MCMBP: variants seen among roughly 807,000 people sequenced by gnomAD.
MCMBP encodes the protein mini-chromosome maintenance complex-binding protein.
In MCMBP, 31 loss-of-function variants were observed where a neutral mutation model predicts 81.3. The ratio of observed to expected loss-of-function variants is 0.38; its 90% confidence interval spans 0.29 to 0.51. The LOEUF (loss-of-function observed/expected upper bound fraction) is 0.51, where lower values mean the gene tolerates loss of function less well. MCMBP is among the 20% of genes least tolerant of loss of function. The pLI, the probability that MCMBP is intolerant of heterozygous loss-of-function variation, is 0.87. For synonymous variants in MCMBP, 267 were observed against 275.9 expected, an observed-to-expected ratio of 0.97 and a Z score of 0.32; for missense variants, 645 against 772.1, an observed-to-expected ratio of 0.84 and a Z score of 1.95.
At chr10:119,850,965 C>A (rs1228463575) in intron 6 of MCMBP, among the ~76,000 whole-genome samples, 1 of 150,688 alleles carries the variant, frequency 6.6e-6, no homozygotes, top group Non-Finnish European at 1.5e-5. Context: ...CTTCGCCTCC[C>A]GGGTTCAAGC....
chr10:119,837,814 C>A (rs971276907), intron 12 of MCMBP, among the ~76,000 whole-genome samples: 1 of 152,022 alleles, frequency 6.6e-6, no homozygotes, highest in African/African-American at 2.4e-5. Flanking sequence ...TAGATCTTTT[C>A]TACACTTCCC....
At chr10:119,859,451 T>C (rs1289314871) in intron 2 of MCMBP, among the ~76,000 whole-genome samples, 1 of 152,200 alleles carries the variant, frequency 6.6e-6, no homozygotes, top group Non-Finnish European at 1.5e-5. Context: ...AGAACACTTT[T>C]CAATGATCAA....
intron 13 of MCMBP, 39 bp from the exon 14 acceptor site, chr10:119,835,743 T>A: frequency 1.3e-6 from 2 of 1,599,742 alleles, no homozygotes; most frequent in Non-Finnish European, 1.7e-6. Context: ...TCTGAGTTCC[T>A]AAATTAATCT....
intron 5 of MCMBP, 99 bp downstream of exon 5, chr10:119,857,239 A>G: frequency 1.2e-6 from 1 of 826,042 alleles, no homozygotes; most frequent in Non-Finnish European, 1.9e-6. Context: ...AATGAAACAC[A>G]CTTTATTAAA....
At position 119,840,961 on chromosome 10, in the gene MCMBP, C is replaced by A; in HGVS notation, c.1125-1G>T. On this transcript the variant is annotated splice_acceptor_variant, in intron 10 of 15. Coordinates refer to ENST00000369077, the MANE Select transcript of MCMBP (RefSeq NM_001256378.2). LOFTEE classifies it high-confidence loss of function. ...TGGAAGGACATCTCTTCTTGTATAT[C>A]TAGAAAAGAAAGAAATCAATCAATA... is the stretch of plus-strand genomic sequence containing the variant. 6.5e-7 allele frequency: 1 copy of A among 1,549,290 alleles called. No homozygotes were observed. Among genetic ancestry groups the A allele is most frequent in the Non-Finnish European group, 8.9e-7 (1 of 1,127,706 alleles).
intron 1 of MCMBP, among the ~76,000 whole-genome samples, chr10:119,864,479 A>C (rs1480412293): frequency 6.7e-6 from 1 of 149,152 alleles, no homozygotes; most frequent in African/African-American, 2.4e-5. Context: ...TTTCTTTTCT[A>C]ATATTGGTAA....
At chr10:119,867,288 A>G in intron 1 of MCMBP, among the ~76,000 whole-genome samples, 1 of 78,026 alleles carries the variant, frequency 1.3e-5, no homozygotes, top group African/African-American at 5.9e-5. Context: ...GCGAGACTCC[A>G]TCTCAAAAAA....
chr10:119,832,189 T>C (rs990964633), intron 14 of MCMBP, 89 bp from the exon 15 acceptor site: 3 of 1,145,132 alleles, frequency 2.6e-6, no homozygotes, highest in Admixed American at 4.6e-5. Context: ...GTAAGGTGCA[T>C]GTCAGCCTCT....
intron 2 of MCMBP, among the ~76,000 whole-genome samples, chr10:119,859,550 ACT>A: frequency 6.6e-6 from 1 of 152,154 alleles, no homozygotes; most frequent in Middle Eastern, 3.2e-3. Context: ...GGTAACTGAC[ACT>A]CTTGCAACTA....
At chr10:119,854,775 G>A (rs1852965114) in intron 5 of MCMBP, among the ~76,000 whole-genome samples, 2 of 151,514 alleles carry the variant, frequency 1.3e-5, no homozygotes, top group South Asian at 4.2e-4. Flanking sequence ...TGGCCAACAT[G>A]GTGAAACCCC....
intron 8 of MCMBP, among the ~76,000 whole-genome samples, chr10:119,845,167 T>C (rs1330394874): frequency 6.6e-6 from 1 of 152,174 alleles, no homozygotes; most frequent in African/African-American, 2.4e-5. Flanking sequence ...AGATGAACAA[T>C]CTCATATACT....
chr10:119,864,534 CT>C lies in MCMBP; in HGVS notation c.59-4651del, dbSNP rs34280240. 2.0e-3 allele frequency among the ~76,000 whole-genome samples: 258 copies of C among 129,788 alleles called. 1 individual carries two copies. The highest frequency in any genetic ancestry group is 5.4e-3 in the African/African-American group (193 of 35,438). The allele number at this position is 129,788 out of a possible 152,430, so 85.1% of individuals were successfully genotyped here. A position where few individuals can be genotyped will look rare whatever the true frequency, so the allele number is the denominator to read the frequency against. On this transcript the variant is annotated intron_variant, in intron 1 of 15. Transcript: ENST00000369077. ...TTTCTACTATTGGTAATTTGTTTTCCTTTTTTTTTTTCCTTTGCCAGTATGG... is the reference window on the plus strand; with the variant it reads ...TTTCTACTATTGGTAATTTGTTTTCCTTTTTTTTTTCCTTTGCCAGTATGG...
rs1165565247 is a variant in MCMBP, at chr10:119,831,429, T to C, written c.*45A>G. 6.2e-7 allele frequency: 1 copy of C among 1,605,218 alleles called. No homozygotes were observed. The highest frequency in any genetic ancestry group is 8.5e-7 in the Non-Finnish European group (1 of 1,174,850). ...TAAATGAATATCTGAATTTTACAAT[T>C]ATGTGGCTACAGTTTGCCCATTACT... On this transcript the variant is annotated 3_prime_UTR_variant, in exon 16 of 16. Transcript: ENST00000369077.
At chr10:119,843,670 A>AT (rs535669997) in intron 8 of MCMBP, among the ~76,000 whole-genome samples, 114 of 149,458 alleles carry the variant, frequency 7.6e-4, no homozygotes, top group Middle Eastern at 3.4e-3. Context: ...TTTTATTTTT[A>AT]TTTTTTTTTT....
Position 119,843,421 on chromosome 10 carries a change from G to A in MCMBP, c.833C>T (p.Ala278Val), listed in dbSNP as rs1016818060. ...CTCCATCGGATCCAGCAGTGCAGAG[G>A]CATCCCTGTGGAGAGGTGATAAAGT... ...LSILNNDERD[A>V]SALLDPMECT... Residue 278 changes from alanine (A) to valine (V), a missense_variant, in exon 9 of 16, where the codon GCC becomes GTC. Ala to Val is a moderately conservative substitution (Grantham distance 64). Transcript: ENST00000369077. 12 of 1,613,138 alleles carry A rather than the reference G, an allele frequency of 7.4e-6. No individual in the cohort carries two copies. Among genetic ancestry groups the A allele is most frequent in the Admixed American group, 1.7e-5 (1 of 59,996 alleles).
intron 6 of MCMBP, among the ~76,000 whole-genome samples, chr10:119,851,705 C>T (rs12777086): frequency 0.055 from 8,354 of 152,016 alleles, 426 homozygotes; most frequent in South Asian, 0.27. Context: ...AAGAATACTA[C>T]GACATTTATA....
In MCMBP at chr10:119,829,964, C is replaced by T. The variant is rs1053828613; in HGVS notation, c.*1510G>A. 2.0e-5 allele frequency: 3 copies of T among 152,566 alleles called. No individual in the cohort carries two copies. Among genetic ancestry groups the T allele is most frequent in the Non-Finnish European group, 4.4e-5 (3 of 68,036 alleles). 9.5% of individuals were successfully genotyped at this position (152,566 alleles called of 1,614,324 possible). A position where few individuals can be genotyped will look rare whatever the true frequency, so the allele number is the denominator to read the frequency against. Reference sequence around the variant, plus strand: ...ACAATTAAAGAAAATGTATTTTATCCTCACAAATCCAGTGAAGCCTTCATT... The same window carrying T: ...ACAATTAAAGAAAATGTATTTTATCTTCACAAATCCAGTGAAGCCTTCATT... On this transcript the variant is annotated 3_prime_UTR_variant, in exon 16 of 16. Coordinates refer to ENST00000369077, the MANE Select transcript of MCMBP (RefSeq NM_001256378.2).
At chr10:119,854,106 T>C (rs902917040) in intron 5 of MCMBP, among the ~76,000 whole-genome samples, 1 of 151,414 alleles carries the variant, frequency 6.6e-6, no homozygotes. Context: ...AGTGGTACAA[T>C]TTCAGCTCAC....
chr10:119,865,312 C>T (rs770624303), intron 1 of MCMBP, among the ~76,000 whole-genome samples: 1 of 152,160 alleles, frequency 6.6e-6, no homozygotes, highest in Non-Finnish European at 1.5e-5. Context: ...ACATTTTAGG[C>T]CAGGCGTAGT....
Sources: gnomAD v4.1 joint callset for allele counts (sites outside exome capture counted in the v4.1 genomes callset) on GRCh38, gnomAD v4.1.1 for gene constraint, MANE v1.5 for transcripts, NCBI Gene and HGNC (gene_info 2026-07-23, HGNC 2026-07-21) for gene names.